DNAH14: variants seen among roughly 807,000 people sequenced by gnomAD.
DNAH14 encodes the protein dynein axonemal heavy chain 14, also known as axonemal beta dynein heavy chain 14.
Under a neutral mutation model 520.9 loss-of-function variants are expected in DNAH14, and 478 were observed. The observed-to-expected ratio is 0.92, with a 90% CI of 0.85 to 0.99. The LOEUF is 0.99. DNAH14 is among the 50% of genes least tolerant of loss of function. DNAH14 has a pLI of 0.00. For missense variants in DNAH14, 4,831 were observed against 5,234.5 expected, an observed-to-expected ratio of 0.92 and a Z score of 2.38; for synonymous variants, 1,581 against 1,757.2, an observed-to-expected ratio of 0.90 and a Z score of 2.51.
intron 55 of DNAH14, among the ~76,000 whole-genome samples, chr1:225,292,379 C>T (rs1248148242): frequency 6.6e-6 from 1 of 152,012 alleles, no homozygotes. Context: ...TGTATGTTCT[C>T]AGTGCATTTG....
chr1:225,100,639 C>T, intron 22 of DNAH14, 74 bp from the exon 23 acceptor site: 2 of 1,089,890 alleles, frequency 1.8e-6, no homozygotes, highest in South Asian at 2.3e-5. Context: ...TATTCCGTGG[C>T]AATGCATTAC....
At chr1:224,933,057 A>T (rs1379897033) in intron 1 of DNAH14, among the ~76,000 whole-genome samples, 1 of 152,154 alleles carries the variant, frequency 6.6e-6, no homozygotes, top group East Asian at 1.9e-4. Context: ...CTTCCTATCC[A>T]TGAGCATGGG....
At chr1:225,338,940 C>T (rs114368079) in intron 68 of DNAH14, among the ~76,000 whole-genome samples, 1,630 of 152,188 alleles carry the variant, frequency 0.011, 26 homozygotes, top group African/African-American at 0.037. Flanking sequence ...ACCTGTTGGT[C>T]GCTGTGTCCT....
At chr1:225,148,617 G>T (rs1344402164) in intron 31 of DNAH14, among the ~76,000 whole-genome samples, 1 of 151,914 alleles carries the variant, frequency 6.6e-6, no homozygotes, top group Admixed American at 6.6e-5. Context: ...GGTCAGGCTG[G>T]TCTCAAACTC....
chr1:225,196,863 GT>G (rs34081964), intron 38 of DNAH14, among the ~76,000 whole-genome samples: 90,645 of 151,574 alleles, frequency 0.6, 27,565 homozygotes, highest in East Asian at 0.84. Flanking sequence ...GGGATTGGTT[GT>G]TTTTTTTCTT....
At chr1:224,938,024 T>G (rs2059153223) in intron 1 of DNAH14, among the ~76,000 whole-genome samples, 1 of 151,988 alleles carries the variant, frequency 6.6e-6, no homozygotes, top group African/African-American at 2.4e-5. Flanking sequence ...TGGACCCCTA[T>G]CTCTCACCAT....
In DNAH14 at chr1:225,163,468, A is replaced by C. The variant is rs142006089; in HGVS notation, c.5445+3983A>C. Among the ~76,000 whole-genome samples the C allele has an allele frequency of 5.4e-4, 82 of 152,256 alleles. No individual in the cohort carries two copies. In the East Asian group the frequency reaches 9.7e-3, roughly 18 times the overall value. ...AGAGAAAAGGCTTTCTGTTTTTCCC[A>C]ATTTAGTGTGATACTAGCTGTGGGT... On this transcript the variant is annotated intron_variant, in intron 35 of 85. Transcript: ENST00000682510.
intron 11 of DNAH14, among the ~76,000 whole-genome samples, chr1:225,034,807 C>T (rs2449306): frequency 0.85 from 129,557 of 152,070 alleles, 58,739 homozygotes; most frequent in Non-Finnish European, 1. Context: ...CTTGTGAGGG[C>T]GTATGTGTCT....
rs1479694633 is a variant in DNAH14, at chr1:225,049,045, CTATTTTT to C, written c.1913-1163_1913-1157del. 1.8e-4 allele frequency among the ~76,000 whole-genome samples: 16 copies of C among 87,146 alleles called. No homozygotes were observed. The East Asian group carries it at 2.0e-3, about 11-fold the overall frequency. 57.2% of individuals were successfully genotyped at this position (87,146 alleles called of 152,430 possible). On this transcript the variant is annotated intron_variant, in intron 15 of 85. Coordinates refer to ENST00000682510, the MANE Select transcript of DNAH14 (RefSeq NM_001367479.1). Reference sequence around the variant, plus strand: ...CCAAATGTCTTTTTAGATCTCTTGCCTATTTTTTTTTTTTTTTTTTTTTTTTTTTTTT... The same window carrying C: ...CCAAATGTCTTTTTAGATCTCTTGCCTTTTTTTTTTTTTTTTTTTTTTTTT...
intron 17 of DNAH14, among the ~76,000 whole-genome samples, chr1:225,062,111 C>T (rs1282587269): frequency 6.6e-6 from 1 of 150,484 alleles, no homozygotes; most frequent in Non-Finnish European, 1.5e-5. Context: ...CTAGCCTGGG[C>T]AATGTGGTGA....
At chr1:225,116,225 G>A (rs2076864476) in intron 23 of DNAH14, among the ~76,000 whole-genome samples, 1 of 152,166 alleles carries the variant, frequency 6.6e-6, no homozygotes, top group Non-Finnish European at 1.5e-5. Flanking sequence ...GACAGAGGGT[G>A]AAGGGCCTTG....
chr1:225,274,824 A>C (rs1163786894), intron 52 of DNAH14, among the ~76,000 whole-genome samples: 1 of 152,242 alleles, frequency 6.6e-6, no homozygotes, highest in Non-Finnish European at 1.5e-5. Context: ...GTAAGGATTT[A>C]AATTATTCCT....
intron 41 of DNAH14, among the ~76,000 whole-genome samples, chr1:225,217,455 A>T (rs2089518611): frequency 6.6e-6 from 1 of 152,110 alleles, no homozygotes; most frequent in African/African-American, 2.4e-5. Flanking sequence ...TTAAGTCTGC[A>T]GAAGTTTCTG....
Position 225,229,159 on chromosome 1 carries a change from C to G in DNAH14, c.6440-1914C>G, listed in dbSNP as rs561447591. On this transcript the variant is annotated intron_variant, in intron 41 of 85. Transcript: ENST00000682510. ...TGCACTCTCTTGGCTGCTGGACTCT[C>G]ATCTGCAGTGCTGAGCCATGTGGTT... Among the ~76,000 whole-genome samples, 28 of 152,314 alleles carry G rather than the reference C, an allele frequency of 1.8e-4. No individual in the cohort carries two copies. The East Asian group carries it at 5.0e-3, about 27-fold the overall frequency.
At position 225,215,039 on chromosome 1, in the gene DNAH14, T is replaced by A. The variant is rs1447257375; in HGVS notation, c.6439+7819T>A. Among the ~76,000 whole-genome samples the A allele has an allele frequency of 3.3e-5, 5 of 152,280 alleles. No individual in the cohort carries two copies. In the East Asian group the frequency reaches 9.6e-4, roughly 29 times the overall value. On this transcript the variant is annotated intron_variant, in intron 41 of 85. Coordinates refer to ENST00000682510, the MANE Select transcript of DNAH14 (RefSeq NM_001367479.1). ...AGATCCTTCCTGCTTTCTCTTGTGG[T>A]CATTTAGTACTATAAATTTCCCTCT...
chr1:225,280,914 A>G (rs1355678421), intron 54 of DNAH14, among the ~76,000 whole-genome samples: 6 of 152,338 alleles, frequency 3.9e-5, no homozygotes, highest in Non-Finnish European at 7.4e-5. Context: ...TGAAATAAAG[A>G]TATTTCCAGA....
At position 225,276,081 on chromosome 1, in the gene DNAH14, G is replaced by A; in HGVS notation, c.8178G>A (p.Glu2726=). 2 of 339,632 alleles carry A rather than the reference G, an allele frequency of 5.9e-6. No individual in the cohort carries two copies. The highest frequency in any genetic ancestry group is 2.8e-5 in the South Asian group (1 of 36,174). 21.0% of individuals were successfully genotyped at this position (339,632 alleles called of 1,614,324 possible). Residue 2726 remains glutamate (E), a splice_region_variant and synonymous_variant, in exon 53 of 86, where the codon GAG becomes GAA. Coordinates refer to ENST00000682510, the MANE Select transcript of DNAH14 (RefSeq NM_001367479.1). ...FQMKLGSISL[E]LSHSMVFFKE... ...TGAAGTTGGGTTCAATTTCTTTGGAGGTAAACATATATACTATATAAAAAT... is the reference window on the plus strand; with the variant it reads ...TGAAGTTGGGTTCAATTTCTTTGGAAGTAAACATATATACTATATAAAAAT...
intron 42 of DNAH14, among the ~76,000 whole-genome samples, chr1:225,233,980 G>T (rs1391309691): frequency 2.0e-5 from 3 of 152,052 alleles, no homozygotes; most frequent in African/African-American, 7.2e-5. Flanking sequence ...TGTAAGGAAG[G>T]GGTCCAGTTT....
chr1:224,964,654 T>C, intron 5 of DNAH14, 45 bp downstream of exon 5: 1 of 1,375,996 alleles, frequency 7.3e-7, no homozygotes. Flanking sequence ...AAATCAATAT[T>C]GAAATTATAT....
Sources: gnomAD v4.1 joint callset for allele counts (sites outside exome capture counted in the v4.1 genomes callset) on GRCh38, gnomAD v4.1.1 for gene constraint, MANE v1.5 for transcripts, NCBI Gene and HGNC (gene_info 2026-07-23, HGNC 2026-07-21) for gene names.